The following CEP131 variants were observed in gnomAD, a reference collection of about 807,000 sequenced individuals.
CEP131 encodes centrosomal protein of 131 kDa.
CEP131 carries 99 observed loss-of-function variants against 136.8 expected under a neutral mutation model. That is an observed-to-expected ratio of 0.72 (90% CI 0.62 to 0.86). The LOEUF is 0.86. CEP131 is among the 40% of genes least tolerant of loss of function. The pLI is 0.00. For synonymous variants in CEP131, 646 were observed against 612.7 expected (o/e 1.05, Z -0.80); for missense variants, 1,459 against 1,463.0 (o/e 1.00, Z 0.04).
rs2061658912 is a variant in CEP131 at position 81,192,386 on chromosome 17, G to A, written c.2554C>T (p.Leu852=). Reference sequence around the variant, plus strand: ...TCCAGCTGCTGCTTCAGGGTATTCAGCTCCATCTGGGGGGCGGACATAAGA... The same window carrying A: ...TCCAGCTGCTGCTTCAGGGTATTCAACTCCATCTGGGGGGCGGACATAAGA... ...EEQERRHQME[L]NTLKQQLELE... is the part of the protein sequence containing the mutation. Residue 852 remains leucine (L), a synonymous_variant, in exon 21 of 26, where the codon CTG becomes TTG. Coordinates refer to ENST00000450824, the MANE Select transcript of CEP131 (RefSeq NM_014984.4). 5.0e-6 allele frequency: 8 copies of A among 1,606,618 alleles called. No individual in the cohort carries two copies. The highest frequency in any genetic ancestry group is 6.8e-6 in the Non-Finnish European group (8 of 1,177,726).
At chr17:81,213,311 G>T (rs2659004) in intron 2 of CEP131, among the ~76,000 whole-genome samples, 134,101 of 152,196 alleles carry the variant, frequency 0.88, 59,577 homozygotes, top group Non-Finnish European at 0.94. Context: ...TGTAATCCCA[G>T]CACTTTGGGA....
intron 1 of CEP131, among the ~76,000 whole-genome samples, chr17:81,220,823 A>T (rs533305414): frequency 8.4e-4 from 127 of 151,530 alleles, no homozygotes; most frequent in African/African-American, 2.9e-3. Flanking sequence ...TACACATTTT[A>T]AAAAGGGGTT....
chr17:81,210,431 A>G (rs12938539), intron 2 of CEP131, among the ~76,000 whole-genome samples: 58,313 of 152,000 alleles, frequency 0.38, 13,938 homozygotes, highest in East Asian at 0.63. Flanking sequence ...TTAGCTGGGC[A>G]TAGTGGCGGG....
chr17:81,197,660 C>G (rs368740709), intron 13 of CEP131, 52 bp downstream of exon 13: 1 of 1,555,978 alleles, frequency 6.4e-7, no homozygotes, highest in Non-Finnish European at 8.7e-7. Context: ...GGTGCAGGCT[C>G]GTGAGGGGCC....
In CEP131 at chr17:81,197,186, C is replaced by T. The variant is rs62075301; in HGVS notation, c.1648-131G>A. The T allele has an allele frequency of 3.3e-4, 444 of 1,356,604 alleles. No individual in the cohort carries two copies. In the African/African-American group the frequency reaches 5.2e-3, roughly 16 times the overall value. The allele number at this position is 1,356,604 out of a possible 1,614,324, so 84.0% of individuals were successfully genotyped here. A position where few individuals can be genotyped will look rare whatever the true frequency, so the allele number is the denominator to read the frequency against. ...CTGCACACGGGAGCCCGTGGGAAGC[C>T]GGAGGGCAGGTGGCAGGCGGCCCAG... On this transcript the variant is annotated intron_variant, in intron 13 of 25. Transcript: ENST00000450824.
At chr17:81,200,147 C>T (rs998150369) in intron 8 of CEP131, 182 bp downstream of exon 8, 11 of 622,004 alleles carry the variant, frequency 1.8e-5, no homozygotes, top group Admixed American at 3.0e-5. Context: ...CCCTGAGGAC[C>T]GCCAGTGAGG....
In CEP131 at chr17:81,197,655, A is replaced by G. The variant is rs950634626; in HGVS notation, c.1647+57T>C. 17 of 1,544,616 alleles carry G rather than the reference A, an allele frequency of 1.1e-5. 1 individual carries two copies. In the South Asian group the frequency reaches 1.4e-4, roughly 13 times the overall value. ...GCCTCCTCCCCCGAGGGCCAGGTGC[A>G]GGCTCGTGAGGGGCCTCCTCCCACT... On this transcript the variant is annotated intron_variant, in intron 13 of 25. Coordinates refer to ENST00000450824, the MANE Select transcript of CEP131 (RefSeq NM_014984.4).
chr17:81,195,004 A>G (rs1174431122), intron 16 of CEP131, 32 bp from the exon 17 acceptor site: 1 of 1,551,284 alleles, frequency 6.4e-7, no homozygotes, highest in Admixed American at 1.7e-5. Flanking sequence ...AGGAAACGAC[A>G]CGAAGGACAC....
At chr17:81,220,414 AC>A in intron 1 of CEP131, among the ~76,000 whole-genome samples, 1 of 151,978 alleles carries the variant, frequency 6.6e-6, no homozygotes, top group East Asian at 1.9e-4. Context: ...TCTGCCATCT[AC>A]CCCACACCGT....
At chr17:81,197,965 GC>G (rs2061802216) in intron 12 of CEP131, 77 bp from the exon 13 acceptor site, 1 of 1,549,548 alleles carries the variant, frequency 6.5e-7, no homozygotes, top group Non-Finnish European at 8.7e-7. Flanking sequence ...AGAGGTGGCA[GC>G]TGAGGCTGGG....
intron 2 of CEP131, among the ~76,000 whole-genome samples, chr17:81,213,390 T>G (rs1225513814): frequency 2.6e-5 from 4 of 152,022 alleles, no homozygotes; most frequent in Admixed American, 2.6e-4. Flanking sequence ...TGAAACCCCA[T>G]CTCTACTGAA....
Position 81,192,606 on chromosome 17 carries a change from AG to A in CEP131, c.2430-14del. On this transcript the variant is annotated splice_polypyrimidine_tract_variant and intron_variant, in intron 19 of 25. Transcript: ENST00000450824. ...CTCCGCCCGCTGCCTGCGGCCAGGG[AG>A]GAGTCAGCAGGTGAGGGGTCATCGA... The A allele has an allele frequency of 6.6e-7, 1 of 1,516,660 alleles. No homozygotes were observed. The highest frequency in any genetic ancestry group is 2.6e-5 in the East Asian group (1 of 38,940). The allele number at this position is 1,516,660 out of a possible 1,614,324, so 94.0% of individuals were successfully genotyped here.
In CEP131 at chr17:81,200,355, C is replaced by G. The variant is rs1020462518; in HGVS notation, c.880G>C (p.Glu294Gln). 1 of 1,593,740 alleles carries G rather than the reference C, an allele frequency of 6.3e-7. No homozygotes were observed. Among genetic ancestry groups the G allele is most frequent in the Non-Finnish European group, 8.5e-7 (1 of 1,170,740 alleles). The change falls in exon 8 of 26, where the codon GAG becomes CAG. Residue 294 changes from glutamate to glutamine, a missense_variant. This residue lies in a region of CEP131 where 246 missense variants were observed against 318.9 expected (regional missense o/e 0.77). Coordinates refer to ENST00000450824, the MANE Select transcript of CEP131 (RefSeq NM_014984.4). Reference protein sequence around the residue: ...QRRGAGAARLEHLLQAKREEQ... With the variant: ...QRRGAGAARLQHLLQAKREEQ... ...TCCCGCTTGGCCTGAAGCAAGTGCT[C>G]CAGGCGGGCAGCTCCTGCTCCGCGC...
chr17:81,192,966 T>C (rs2061676540), intron 18 of CEP131, 123 bp from the exon 19 acceptor site: 1 of 1,426,886 alleles, frequency 7.0e-7, no homozygotes, highest in Non-Finnish European at 9.3e-7. Flanking sequence ...TCCGGGGCCC[T>C]GCCCCTCCCC....
chr17:81,201,081 CAA>C (rs879408806), intron 7 of CEP131, among the ~76,000 whole-genome samples: 1 of 147,378 alleles, frequency 6.8e-6, no homozygotes. Flanking sequence ...ACTGATTAAG[CAA>C]AAAAAAAAAT....
At chr17:81,202,765 C>G (rs1285406386) in intron 6 of CEP131, among the ~76,000 whole-genome samples, 2 of 152,148 alleles carry the variant, frequency 1.3e-5, no homozygotes, top group Non-Finnish European at 2.9e-5. Context: ...AGTTCGAGAC[C>G]AGCCTTGCCA....
Position 81,189,716 on chromosome 17 carries a change from C to T in CEP131, c.*53G>A. ...TCCCTGTGGGCCTCTGGGCCCACGT[C>T]CAGCCTCTGTCCTCTGCCTTCCGTT... On this transcript the variant is annotated 3_prime_UTR_variant, in exon 26 of 26. Transcript: ENST00000450824. The T allele has an allele frequency of 6.6e-7, 1 of 1,525,416 alleles. No individual in the cohort carries two copies. Among genetic ancestry groups the T allele is most frequent in the Non-Finnish European group, 8.8e-7 (1 of 1,133,182 alleles). The allele number at this position is 1,525,416 out of a possible 1,614,324, so 94.5% of individuals were successfully genotyped here.
rs958842714 is a variant in CEP131, at chr17:81,215,562, C to A, written c.177+4318G>T. On this transcript the variant is annotated intron_variant, in intron 2 of 25. Coordinates refer to ENST00000450824, the MANE Select transcript of CEP131 (RefSeq NM_014984.4). The surrounding 1 kb of genome is among the most constrained non-coding windows in gnomAD (Gnocchi z 4.1). ...GTGTAGCTGGCATTACAGGTGCCTG[C>A]CACCACGTCCAGCTATTTTTTCTAT... 4.6e-5 allele frequency among the ~76,000 whole-genome samples: 7 copies of A among 152,062 alleles called. No individual in the cohort carries two copies. The highest frequency in any genetic ancestry group is 1.7e-4 in the African/African-American group (7 of 41,380).
Position 81,199,570 on chromosome 17 carries a change from A to AGCACTGTCCCT in CEP131, c.1024-32_1024-22dup, listed in dbSNP as rs755548876. The AGCACTGTCCCT allele has an allele frequency of 3.8e-6, 6 of 1,599,728 alleles. No individual in the cohort carries two copies. In the South Asian group the frequency reaches 6.7e-5, roughly 18 times the overall value. On this transcript the variant is annotated intron_variant, in intron 9 of 25. Coordinates refer to ENST00000450824, the MANE Select transcript of CEP131 (RefSeq NM_014984.4). ...AGCTCCTGCAGTGGGAGCATCGCTG[A>AGCACTGTCCCT]GCACTGTCCCTGGGAGAGGACGACC...
Sources: allele counts gnomAD v4.1 joint callset (sites outside exome capture counted in the v4.1 genomes callset), GRCh38; gene constraint gnomAD v4.1.1; regional missense constraint gnomAD v4.1.1; non-coding constraint Gnocchi (gnomAD v3.1); transcripts MANE v1.5; gene names NCBI Gene and HGNC (gene_info 2026-07-23, HGNC 2026-07-21).